LRP1B: variants seen among roughly 807,000 people sequenced by gnomAD.
LRP1B encodes the protein LDL receptor related protein 1B, also known as low-density lipoprotein receptor-related protein 1B.
Under a neutral mutation model 556.6 loss-of-function variants are expected in LRP1B, and 217 were observed. That is an observed-to-expected ratio of 0.39 (90% CI 0.35 to 0.44). The LOEUF is 0.44. Among genes scored for constraint, LRP1B ranks in the 20% least tolerant of loss-of-function variants. The pLI is 1.00. For synonymous variants in LRP1B, 2,047 were observed against 1,865.8 expected, an observed-to-expected ratio of 1.10 and a Z score of -2.50; for missense variants, 5,053 against 5,620.8, an observed-to-expected ratio of 0.90 and a Z score of 3.23.
At chr2:140,647,696 C>T (rs962278763) in intron 41 of LRP1B, among the ~76,000 whole-genome samples, 2 of 152,134 alleles carry the variant, frequency 1.3e-5, no homozygotes, top group Non-Finnish European at 2.9e-5. Context: ...TTTTGCTCAT[C>T]ATCACAGGCC....
At chr2:141,397,839 C>T (rs375518874) in intron 3 of LRP1B, among the ~76,000 whole-genome samples, 3 of 150,484 alleles carry the variant, frequency 2.0e-5, no homozygotes, top group East Asian at 3.9e-4. Flanking sequence ...ATTACATATG[C>T]CTATACATTT....
intron 7 of LRP1B, among the ~76,000 whole-genome samples, chr2:141,147,942 C>T (rs963712019): frequency 1.3e-5 from 2 of 152,150 alleles, no homozygotes; most frequent in Non-Finnish European, 2.9e-5. Flanking sequence ...CAGTAACATG[C>T]TGTGCAAGTT....
chr2:141,424,496 C>G (rs1680276345), intron 3 of LRP1B, among the ~76,000 whole-genome samples: 1 of 152,198 alleles, frequency 6.6e-6, no homozygotes, highest in African/African-American at 2.4e-5. Flanking sequence ...ACTCATAACT[C>G]TTAAGGAACT....
chr2:141,127,058 G>A (rs1034524425), intron 7 of LRP1B, among the ~76,000 whole-genome samples: 1 of 149,568 alleles, frequency 6.7e-6, no homozygotes, highest in African/African-American at 2.5e-5. Flanking sequence ...CCCTCCCTGT[G>A]TCCATGTGTT....
intron 3 of LRP1B, among the ~76,000 whole-genome samples, chr2:141,463,571 AT>A (rs1183044422): frequency 3.9e-4 from 18 of 46,672 alleles, no homozygotes; most frequent in Non-Finnish European, 7.6e-4. Flanking sequence ...TATATTATAT[AT>A]TATATATAAT....
chr2:141,083,603 G>A (rs955507502), intron 7 of LRP1B, among the ~76,000 whole-genome samples: 3 of 152,148 alleles, frequency 2.0e-5, no homozygotes, highest in Non-Finnish European at 4.4e-5. Context: ...GCCTTTGAGA[G>A]GTGATTGGGT....
chr2:141,088,592 C>G lies in LRP1B; in HGVS notation c.1014-26319G>C, dbSNP rs142945396. 9.2e-4 allele frequency among the ~76,000 whole-genome samples: 140 copies of G among 152,174 alleles called. No individual in the cohort carries two copies. The Middle Eastern group carries it at 0.014, about 15-fold the overall frequency. ...ACGGGTGAGGCACTTATATTTCCTCCAAGAGGTCATATGCCATAGGATGAC... is the reference window on the plus strand; with the variant it reads ...ACGGGTGAGGCACTTATATTTCCTCGAAGAGGTCATATGCCATAGGATGAC... On this transcript the variant is annotated intron_variant, in intron 7 of 90. Transcript: ENST00000389484.
intron 1 of LRP1B, among the ~76,000 whole-genome samples, chr2:141,827,880 G>T (rs547400880): frequency 6.6e-6 from 1 of 151,274 alleles, no homozygotes; most frequent in Non-Finnish European, 1.5e-5. Context: ...ATGTCTTTAC[G>T]TATAATATTT....
intron 1 of LRP1B, among the ~76,000 whole-genome samples, chr2:141,868,018 G>T (rs1269356435): frequency 2.0e-5 from 3 of 152,100 alleles, no homozygotes; most frequent in African/African-American, 7.2e-5. Context: ...TCTCCAAGTG[G>T]CAGTCATTTA....
intron 1 of LRP1B, among the ~76,000 whole-genome samples, chr2:141,903,494 C>G (rs1018880006): frequency 6.6e-6 from 1 of 151,752 alleles, no homozygotes; most frequent in African/African-American, 2.4e-5. Flanking sequence ...ATTTTTGGAG[C>G]CTCTTTGGTA....
At position 140,358,943 on chromosome 2, in the gene LRP1B, TTGAC is replaced by T; in HGVS notation, c.11132-1_11134del. 6.2e-7 allele frequency: 1 copy of T among 1,606,490 alleles called. No homozygotes were observed. ...AGGTCTCGTGGATGGACAAAGAAAT[TTGAC>T]TGAAGAAAAAGAAGAAAAAACAAAG... On this transcript the variant is annotated splice_acceptor_variant and coding_sequence_variant, in exon 73 of 91. Coordinates refer to ENST00000389484, the MANE Select transcript of LRP1B (RefSeq NM_018557.3). LOFTEE classifies it high-confidence loss of function.
At chr2:141,325,049 C>G (rs140598017) in intron 3 of LRP1B, among the ~76,000 whole-genome samples, 3,196 of 151,830 alleles carry the variant, frequency 0.021, 57 homozygotes, top group Non-Finnish European at 0.034. Context: ...ACTCTTCTTG[C>G]AAATAAAATA....
chr2:141,314,843 TACACATATATATAC>T (rs1283345983), intron 3 of LRP1B, among the ~76,000 whole-genome samples: 3 of 132,964 alleles, frequency 2.3e-5, no homozygotes, highest in Non-Finnish European at 4.8e-5. Flanking sequence ...TATATATATA[TACACATATATATAC>T]ATATATATAC....
intron 47 of LRP1B, among the ~76,000 whole-genome samples, chr2:140,526,698 C>CAAAA (rs35329112): frequency 1.7e-4 from 23 of 136,274 alleles, no homozygotes; most frequent in Admixed American, 3.8e-4. Flanking sequence ...AGCACTGAGC[C>CAAAA]AAAAAAAAAA....
intron 67 of LRP1B, among the ~76,000 whole-genome samples, chr2:140,380,670 A>G (rs1683432533): frequency 6.6e-6 from 1 of 152,182 alleles, no homozygotes; most frequent in East Asian, 1.9e-4. Context: ...AATGGGACTA[A>G]TTCTTCCTCT....
At chr2:140,980,324 C>T (rs969234158) in intron 18 of LRP1B, among the ~76,000 whole-genome samples, 7 of 152,092 alleles carry the variant, frequency 4.6e-5, no homozygotes, top group Non-Finnish European at 7.4e-5. Flanking sequence ...CTCTAAAATA[C>T]AGAGCAACTA....
At chr2:141,636,529 G>A (rs1689113834) in intron 2 of LRP1B, among the ~76,000 whole-genome samples, 1 of 152,118 alleles carries the variant, frequency 6.6e-6, no homozygotes, top group African/African-American at 2.4e-5. Flanking sequence ...TGTGCAATAT[G>A]TATCAAAATT....
intron 77 of LRP1B, among the ~76,000 whole-genome samples, chr2:140,343,635 CTT>C (rs1178706355): frequency 2.0e-5 from 3 of 151,600 alleles, no homozygotes; most frequent in Non-Finnish European, 2.9e-5. Context: ...GCAGAAATGA[CTT>C]TTTATGGTAA....
intron 37 of LRP1B, among the ~76,000 whole-genome samples, chr2:140,713,325 A>T (rs952542190): frequency 2.7e-5 from 4 of 147,480 alleles, no homozygotes; most frequent in Admixed American, 2.0e-4. Context: ...AAGGTATAGA[A>T]TTTTTTTTTT....
Sources: gnomAD v4.1 joint callset for allele counts (sites outside exome capture counted in the v4.1 genomes callset) on GRCh38, gnomAD v4.1.1 for gene constraint, MANE v1.5 for transcripts, NCBI Gene and HGNC (gene_info 2026-07-23, HGNC 2026-07-21) for gene names.